The following CAMK2A variants were observed in gnomAD, a reference collection of about 807,000 sequenced individuals.
CAMK2A encodes the protein calcium/calmodulin-dependent protein kinase type II subunit alpha.
In CAMK2A, 7 loss-of-function variants were observed where a neutral mutation model predicts 79.2. That is an observed-to-expected ratio of 0.09 (90% CI 0.05 to 0.17). The LOEUF (loss-of-function observed/expected upper bound fraction) is 0.17. CAMK2A is among the 10% of genes least tolerant of loss of function. The pLI is 1.00. For missense variants in CAMK2A, 214 were observed against 646.4 expected (o/e 0.33, Z 7.25); for synonymous variants, 242 against 251.7 (o/e 0.96, Z 0.36).
chr5:150,283,243 C>G (rs145030421), intron 1 of CAMK2A, among the ~76,000 whole-genome samples: 12 of 152,296 alleles, frequency 7.9e-5, no homozygotes, highest in Admixed American at 2.6e-4. Context: ...AGAGTGGGAC[C>G]CCAGATCCCC....
At chr5:150,228,133 C>T (rs968744576) in intron 17 of CAMK2A, 59 bp downstream of exon 17, 16 of 1,421,674 alleles carry the variant, frequency 1.1e-5, no homozygotes, top group Non-Finnish European at 1.6e-5. Context: ...GCTGTGCCAT[C>T]CAGCAGGACA....
At chr5:150,226,343 C>G (rs1754596580) in intron 17 of CAMK2A, among the ~76,000 whole-genome samples, 1 of 152,132 alleles carries the variant, frequency 6.6e-6, no homozygotes, top group African/African-American at 2.4e-5. Flanking sequence ...TCAGTTTCCC[C>G]TCTGTATGAT....
At chr5:150,261,957 C>T (rs1339799693) in intron 3 of CAMK2A, among the ~76,000 whole-genome samples, 2 of 152,204 alleles carry the variant, frequency 1.3e-5, no homozygotes, top group Admixed American at 6.5e-5. Flanking sequence ...TTCCCTTCCC[C>T]ACCACAAATC....
Position 150,256,508 on chromosome 5 carries a change from G to T in CAMK2A, c.411+65C>A. 2 of 1,074,718 alleles carry T rather than the reference G, an allele frequency of 1.9e-6. No individual in the cohort carries two copies. The highest frequency in any genetic ancestry group is 2.9e-6 in the Non-Finnish European group (2 of 695,662). The allele number at this position is 1,074,718 out of a possible 1,614,324, so 66.6% of individuals were successfully genotyped here. ...ATTCTGATAATGTCCAGCTCTGCAG[G>T]ATTAGGGACGTGCAGAGGAGAGAGG... On this transcript the variant is annotated intron_variant, in intron 6 of 18. Transcript: ENST00000671881. This position sits in a 1 kb window ranked among gnomAD's most constrained non-coding sequence, Gnocchi z 4.6.
At chr5:150,253,118 G>C (rs1400716672) in intron 7 of CAMK2A, among the ~76,000 whole-genome samples, 1 of 152,238 alleles carries the variant, frequency 6.6e-6, no homozygotes, top group African/African-American at 2.4e-5. Context: ...TATTAGGGCA[G>C]CTCTGTGGAA....
chr5:150,279,303 CAT>C (rs1757111807), intron 1 of CAMK2A, among the ~76,000 whole-genome samples: 3 of 152,290 alleles, frequency 2.0e-5, no homozygotes, highest in South Asian at 2.1e-4. Context: ...CGCGGTTCAA[CAT>C]AGAGAAGAGC....
chr5:150,250,632 C>T, intron 10 of CAMK2A, 56 bp downstream of exon 10: 1 of 1,605,328 alleles, frequency 6.2e-7, no homozygotes, highest in Non-Finnish European at 8.5e-7. Flanking sequence ...CTGTGGGGGC[C>T]TGGATCATGA....
At chr5:150,246,785 C>G (rs1223147689) in intron 12 of CAMK2A, among the ~76,000 whole-genome samples, 1 of 152,222 alleles carries the variant, frequency 6.6e-6, no homozygotes, top group African/African-American at 2.4e-5. Context: ...TCTCACTCCT[C>G]CCAACTGGTT....
intron 18 of CAMK2A, 112 bp downstream of exon 18, chr5:150,222,877 C>G (rs1270794376): frequency 1.4e-6 from 2 of 1,388,276 alleles, no homozygotes; most frequent in Non-Finnish European, 2.0e-6. Flanking sequence ...CTCCCCACCC[C>G]ACTCTGCAGC....
At chr5:150,228,348 G>T in intron 16 of CAMK2A, 62 bp from the exon 17 acceptor site, 1 of 1,167,696 alleles carries the variant, frequency 8.6e-7, no homozygotes, top group Non-Finnish European at 1.3e-6. Context: ...CCCTTGGAGG[G>T]TGAGCCTGTG....
Position 150,231,349 on chromosome 5 carries a change from C to T in CAMK2A, c.1098G>A (p.Glu366=), listed in dbSNP as rs778172176. 4.4e-6 allele frequency: 7 copies of T among 1,589,608 alleles called. No homozygotes were observed. Among genetic ancestry groups the T allele is most frequent in the African/African-American group, 4.0e-5 (3 of 74,372 alleles). Residue 366 remains glutamate (E), a synonymous_variant, in exon 16 of 19, where the codon GAG becomes GAA. Transcript: ENST00000671881. Reference sequence around the variant, plus strand: ...CATTGCTTATGGCTTCAATCAGCTGCTCTGTCACTTTTATAATTTCCTGTT... The same window carrying T: ...CATTGCTTATGGCTTCAATCAGCTGTTCTGTCACTTTTATAATTTCCTGTT... The part of the protein sequence containing the change: ...VRKQEIIKVT[E]QLIEAISNGD...
Position 150,256,318 on chromosome 5 carries a change from C to G in CAMK2A, c.411+255G>C, listed in dbSNP as rs1317502095. 6.6e-6 allele frequency among the ~76,000 whole-genome samples: 1 copy of G among 152,156 alleles called. No homozygotes were observed. The highest frequency in any genetic ancestry group is 6.5e-5 in the Admixed American group (1 of 15,270). ...ACCGTAGCCAGTCATGACAGTATAA[C>G]TGCAGCTCACCCATCCTGGCACAAA... On this transcript the variant is annotated intron_variant, in intron 6 of 18. Coordinates refer to ENST00000671881, the MANE Select transcript of CAMK2A (RefSeq NM_015981.4). This position sits in a 1 kb window ranked among gnomAD's most constrained non-coding sequence, Gnocchi z 4.6.
rs1562190922 is a variant in CAMK2A, at chr5:150,270,765, T to C, written c.157+2300A>G. Among the ~76,000 whole-genome samples, 3 of 152,082 alleles carry C rather than the reference T, an allele frequency of 2.0e-5. No homozygotes were observed. In the East Asian group the frequency reaches 5.8e-4, roughly 29 times the overall value. ...ACTCACCTAGGCCGGGCCACCTTCC[T>C]TCCAAGAGGTCAAGGACTCAACAAG... On this transcript the variant is annotated intron_variant, in intron 2 of 18. Coordinates refer to ENST00000671881, the MANE Select transcript of CAMK2A (RefSeq NM_015981.4).
rs922744199 is a variant in CAMK2A at position 150,220,452 on chromosome 5, A to G, written c.*2258T>C. 6.6e-6 allele frequency: 1 copy of G among 152,368 alleles called. No individual in the cohort carries two copies. Among genetic ancestry groups the G allele is most frequent in the Admixed American group, 6.5e-5 (1 of 15,278 alleles). 9.4% of individuals were successfully genotyped at this position (152,368 alleles called of 1,614,324 possible). A position where few individuals can be genotyped will look rare whatever the true frequency, so the allele number is the denominator to read the frequency against. ...CCTGCAGGTAAATTAGGCTTCACAT[A>G]GCCAGACGTTTGCTCCTTCATCGGC... On this transcript the variant is annotated 3_prime_UTR_variant, in exon 19 of 19. Coordinates refer to ENST00000671881, the MANE Select transcript of CAMK2A (RefSeq NM_015981.4).
intron 12 of CAMK2A, among the ~76,000 whole-genome samples, chr5:150,247,117 A>G (rs1755605102): frequency 6.6e-6 from 1 of 152,072 alleles, no homozygotes; most frequent in African/African-American, 2.4e-5. Context: ...GTGATTGGGC[A>G]CTCCCTGCCT....
At chr5:150,233,645 C>T (rs1259273784) in intron 15 of CAMK2A, among the ~76,000 whole-genome samples, 3 of 152,150 alleles carry the variant, frequency 2.0e-5, no homozygotes, top group African/African-American at 7.2e-5. Context: ...TTCATCCTGC[C>T]CCTTGGACTT....
At chr5:150,272,298 C>T (rs1213022216) in intron 2 of CAMK2A, among the ~76,000 whole-genome samples, 2 of 152,172 alleles carry the variant, frequency 1.3e-5, no homozygotes, top group African/African-American at 4.8e-5. Context: ...GGCGTGATGG[C>T]TCACACGTGT....
chr5:150,250,204 G>A, intron 11 of CAMK2A, 22 bp downstream of exon 11: 13 of 1,593,344 alleles, frequency 8.2e-6, no homozygotes, highest in Non-Finnish European at 1.0e-5. Context: ...GGCCAGGACT[G>A]TGGAGGGTGA....
chr5:150,247,835 G>T (rs1403149227), intron 11 of CAMK2A, 21 bp from the exon 12 acceptor site: 4 of 1,611,420 alleles, frequency 2.5e-6, no homozygotes, highest in Non-Finnish European at 3.4e-6. Context: ...TAAGAAGAGG[G>T]CAGTGGGAGA....
Sources: allele counts gnomAD v4.1 joint callset (sites outside exome capture counted in the v4.1 genomes callset), GRCh38; gene constraint gnomAD v4.1.1; non-coding constraint Gnocchi (gnomAD v3.1); transcripts MANE v1.5; gene names NCBI Gene and HGNC (gene_info 2026-07-23, HGNC 2026-07-21).